ATRNL1: variants seen among roughly 807,000 people sequenced by gnomAD.
The protein encoded by ATRNL1 is attractin-like protein 1.
ATRNL1 carries 95 observed loss-of-function variants against 182.7 expected under a neutral mutation model. The ratio of observed to expected loss-of-function variants is 0.52; its 90% CI spans 0.44 to 0.62. The LOEUF is 0.62. Among genes scored for constraint, ATRNL1 ranks in the 20% least tolerant of loss-of-function variants. ATRNL1 has a pLI of 0.00. For synonymous variants in ATRNL1, 576 were observed against 568.3 expected, an observed-to-expected ratio of 1.01 and a Z score of -0.19; for missense variants, 1,471 against 1,679.5, an observed-to-expected ratio of 0.88 and a Z score of 2.17.
At chr10:115,275,752 G>A (rs1467270320) in intron 13 of ATRNL1, among the ~76,000 whole-genome samples, 8 of 152,138 alleles carry the variant, frequency 5.3e-5, no homozygotes, top group African/African-American at 1.9e-4. Context: ...GGTGAAAGGT[G>A]TGTCTTCTGG....
intron 26 of ATRNL1, among the ~76,000 whole-genome samples, chr10:115,656,927 C>G (rs186607353): frequency 6.6e-6 from 1 of 152,192 alleles, no homozygotes; most frequent in East Asian, 1.9e-4. Flanking sequence ...ATATATAGCT[C>G]ACATTTGTTT....
chr10:115,457,631 C>T (rs1847592083), intron 21 of ATRNL1, among the ~76,000 whole-genome samples: 1 of 152,084 alleles, frequency 6.6e-6, no homozygotes, highest in Non-Finnish European at 1.5e-5. Flanking sequence ...TTCTCTTTCT[C>T]AGCTGATGGC....
chr10:115,634,429 T>C (rs1858728159), intron 26 of ATRNL1, among the ~76,000 whole-genome samples: 1 of 152,142 alleles, frequency 6.6e-6, no homozygotes, highest in Non-Finnish European at 1.5e-5. Context: ...TGGTAAAAGG[T>C]AACGTTTTAT....
chr10:115,836,114 A>G (rs1329826980), intron 27 of ATRNL1, among the ~76,000 whole-genome samples: 2 of 152,190 alleles, frequency 1.3e-5, no homozygotes, highest in Non-Finnish European at 2.9e-5. Flanking sequence ...TTTTAAGAAC[A>G]TCATCAATCA....
chr10:115,862,452 G>A (rs1350211606), intron 28 of ATRNL1, among the ~76,000 whole-genome samples: 1 of 152,122 alleles, frequency 6.6e-6, no homozygotes, highest in Non-Finnish European at 1.5e-5. Flanking sequence ...TGCAGCTCTT[G>A]CCTGTCCACT....
intron 27 of ATRNL1, among the ~76,000 whole-genome samples, chr10:115,803,460 A>G (rs1949845673): frequency 6.6e-6 from 1 of 152,150 alleles, no homozygotes; most frequent in African/African-American, 2.4e-5. Flanking sequence ...GCAGATAAAC[A>G]TCACTATGTA....
chr10:115,260,929 A>G (rs1470817996), intron 10 of ATRNL1, among the ~76,000 whole-genome samples: 2 of 152,086 alleles, frequency 1.3e-5, no homozygotes, highest in African/African-American at 2.4e-5. Flanking sequence ...AGAACATAAC[A>G]TTTTAGACAG....
intron 28 of ATRNL1, among the ~76,000 whole-genome samples, chr10:115,897,795 C>T (rs1038117753): frequency 6.6e-6 from 1 of 152,188 alleles, no homozygotes; most frequent in Non-Finnish European, 1.5e-5. Flanking sequence ...CCAACACTTT[C>T]GCCAACTCTG....
intron 8 of ATRNL1, among the ~76,000 whole-genome samples, chr10:115,194,114 A>C (rs1255823280): frequency 6.6e-6 from 1 of 152,006 alleles, no homozygotes; most frequent in Non-Finnish European, 1.5e-5. Flanking sequence ...TTTGTGTCCT[A>C]ATGAATTGTC....
intron 26 of ATRNL1, among the ~76,000 whole-genome samples, chr10:115,630,698 T>C (rs1256600144): frequency 6.8e-6 from 1 of 148,134 alleles, no homozygotes; most frequent in Non-Finnish European, 1.5e-5. Context: ...TATATGTATA[T>C]TATATCCATA....
Position 115,322,548 on chromosome 10 carries a change from A to G in ATRNL1, c.3037+6812A>G, listed in dbSNP as rs193111513. 2.0e-3 allele frequency among the ~76,000 whole-genome samples: 301 copies of G among 152,214 alleles called. 1 individual carries two copies. Among genetic ancestry groups the G allele is most frequent in the African/African-American group, 7.0e-3 (289 of 41,560 alleles). On this transcript the variant is annotated intron_variant, in intron 18 of 28. Transcript: ENST00000355044. Reference sequence around the variant, plus strand: ...TCAGGTAATAGAAAAAAGGAAAATAAATATGCATTTCCTATTTTTATTATT... The same window carrying G: ...TCAGGTAATAGAAAAAAGGAAAATAGATATGCATTTCCTATTTTTATTATT...
At chr10:115,367,743 G>A (rs1174971671) in intron 19 of ATRNL1, among the ~76,000 whole-genome samples, 4 of 123,512 alleles carry the variant, frequency 3.2e-5, no homozygotes, top group Non-Finnish European at 7.7e-5. Flanking sequence ...TAACAGACAG[G>A]ACCCTCAGCT....
At chr10:115,717,905 G>T (rs181411895) in intron 26 of ATRNL1, among the ~76,000 whole-genome samples, 182 of 152,116 alleles carry the variant, frequency 1.2e-3, no homozygotes, top group African/African-American at 4.0e-3. Context: ...TATTCTATTT[G>T]CCACCCTACA....
intron 27 of ATRNL1, among the ~76,000 whole-genome samples, chr10:115,732,055 T>G (rs1555063076): frequency 6.6e-6 from 1 of 152,200 alleles, no homozygotes; most frequent in African/African-American, 2.4e-5. Context: ...AGTTTGTTTG[T>G]ACATTAATTA....
At chr10:115,519,192 A>C (rs150048454) in intron 24 of ATRNL1, 71 bp from the exon 25 acceptor site, 1 of 1,254,998 alleles carries the variant, frequency 8.0e-7, no homozygotes, top group Admixed American at 1.9e-5. Context: ...TGTATTTACA[A>C]ATGTCATGAA....
At chr10:115,317,459 C>A (rs549208877) in intron 18 of ATRNL1, among the ~76,000 whole-genome samples, 1 of 152,206 alleles carries the variant, frequency 6.6e-6, no homozygotes, top group South Asian at 2.1e-4. Flanking sequence ...GGGAATAGCA[C>A]TGAATCTATA....
At chr10:115,343,183 C>T (rs546196636) in intron 19 of ATRNL1, among the ~76,000 whole-genome samples, 5 of 152,154 alleles carry the variant, frequency 3.3e-5, no homozygotes, top group African/African-American at 1.2e-4. Flanking sequence ...TGAGAAGTTT[C>T]GTGTTGTTAC....
At chr10:115,722,307 C>A (rs1283410560) in intron 26 of ATRNL1, among the ~76,000 whole-genome samples, 1 of 151,944 alleles carries the variant, frequency 6.6e-6, no homozygotes, top group East Asian at 1.9e-4. Context: ...TTTTTCCAAA[C>A]CACTCCCATA....
intron 28 of ATRNL1, among the ~76,000 whole-genome samples, chr10:115,925,487 C>A: frequency 6.6e-6 from 1 of 151,994 alleles, no homozygotes; most frequent in Non-Finnish European, 1.5e-5. Flanking sequence ...GAGTCAAGAA[C>A]CATCAGCGTG....
Sources: allele counts gnomAD v4.1 joint callset (sites outside exome capture counted in the v4.1 genomes callset), GRCh38; gene constraint gnomAD v4.1.1; transcripts MANE v1.5; gene names NCBI Gene and HGNC (gene_info 2026-07-23, HGNC 2026-07-21).